The following PPARGC1A variants were observed in gnomAD, a reference collection of about 807,000 sequenced individuals.
PPARGC1A encodes peroxisome proliferator-activated receptor gamma coactivator 1-alpha.
Under a neutral mutation model 88.7 loss-of-function variants are expected in PPARGC1A, and 25 were observed. That is an observed-to-expected ratio of 0.28 (90% CI 0.21 to 0.39). PPARGC1A has a LOEUF of 0.39. Among genes scored for constraint, PPARGC1A ranks in the 10% least tolerant of loss-of-function variants. The pLI, the probability that PPARGC1A is intolerant of heterozygous loss-of-function variation, is 1.00. For synonymous variants in PPARGC1A, 363 were observed against 355.6 expected (o/e 1.02, Z -0.24); for missense variants, 880 against 968.7 (o/e 0.91, Z 1.22).
At chr4:24,345,651 A>T in the PPARGC1A span, among the ~76,000 whole-genome samples, 1 of 152,136 alleles carries the variant, frequency 6.6e-6, no homozygotes, top group Non-Finnish European at 1.5e-5. Flanking sequence ...ACTTTGCTGA[A>T]TTCTTTTATT....
chr4:24,041,473 A>G, the PPARGC1A span, among the ~76,000 whole-genome samples: 1 of 149,262 alleles, frequency 6.7e-6, no homozygotes, highest in Non-Finnish European at 1.5e-5. Flanking sequence ...GGGAGTCATC[A>G]CCTGCTGATT....
At chr4:23,834,028 G>A (rs902190806) in intron 2 of PPARGC1A, among the ~76,000 whole-genome samples, 12 of 152,158 alleles carry the variant, frequency 7.9e-5, no homozygotes, top group African/African-American at 2.4e-4. Flanking sequence ...GGCTGGGCAC[G>A]GTGGTTCACG....
At chr4:24,155,681 C>CA in the PPARGC1A span, among the ~76,000 whole-genome samples, 280 of 151,648 alleles carry the variant, frequency 1.8e-3, 3 homozygotes, top group African/African-American at 6.6e-3. Flanking sequence ...TAGCTGCAAA[C>CA]AAAAAACACA....
At chr4:23,943,220 T>A in the PPARGC1A span, among the ~76,000 whole-genome samples, 1 of 152,172 alleles carries the variant, frequency 6.6e-6, no homozygotes, top group African/African-American at 2.4e-5. Flanking sequence ...GTTCTTCTTT[T>A]AAGGGTATGC....
chr4:23,813,530 G>T (rs60338786), intron 8 of PPARGC1A, among the ~76,000 whole-genome samples, 160 bp downstream of exon 8: 1 of 152,222 alleles, frequency 6.6e-6, no homozygotes, highest in East Asian at 1.9e-4. Flanking sequence ...CATGGAGAGA[G>T]ATGTGAGTGT....
At chr4:23,803,224 T>C (rs991026923) in intron 10 of PPARGC1A, among the ~76,000 whole-genome samples, 2 of 152,104 alleles carry the variant, frequency 1.3e-5, no homozygotes, top group Non-Finnish European at 2.9e-5. Context: ...AAAAAAAATG[T>C]AAGATAAGGT....
chr4:23,981,440 A>G, the PPARGC1A span, among the ~76,000 whole-genome samples: 1 of 152,282 alleles, frequency 6.6e-6, no homozygotes, highest in South Asian at 2.1e-4. Flanking sequence ...TACAATTGCC[A>G]TAGAGATCCT....
At chr4:24,062,539 A>C in the PPARGC1A span, among the ~76,000 whole-genome samples, 1 of 152,146 alleles carries the variant, frequency 6.6e-6, no homozygotes, top group Admixed American at 6.5e-5. Flanking sequence ...CAATTCCATA[A>C]TTATTCATTT....
At chr4:24,423,869 T>G in the PPARGC1A span, among the ~76,000 whole-genome samples, 1 of 152,194 alleles carries the variant, frequency 6.6e-6, no homozygotes, top group Non-Finnish European at 1.5e-5. Context: ...GGATGGACTG[T>G]GACCTTGGCT....
chr4:23,883,357 A>G (rs1383819396), intron 2 of PPARGC1A: 2 of 152,236 alleles, frequency 1.3e-5, no homozygotes, highest in Non-Finnish European at 2.9e-5. Context: ...CTCCGTGCCA[A>G]CCAACACTGA....
chr4:23,802,213 A>C lies in PPARGC1A; in HGVS notation c.2141+11T>G, dbSNP rs1391102456. Reference sequence around the variant, plus strand: ...AGCTTCTAAACAAGAAATAATCTTGAAGATTCTCACCCATCATCCCGCAGA... The same window carrying C: ...AGCTTCTAAACAAGAAATAATCTTGCAGATTCTCACCCATCATCCCGCAGA... On this transcript the variant is annotated intron_variant, in intron 11 of 12. Coordinates refer to ENST00000264867, the MANE Select transcript of PPARGC1A (RefSeq NM_013261.5). The C allele has an allele frequency of 6.2e-7, 1 of 1,613,992 alleles. No individual in the cohort carries two copies. Among genetic ancestry groups the C allele is most frequent in the South Asian group, 1.1e-5 (1 of 91,052 alleles).
chr4:23,876,665 C>T (rs1424907498), intron 2 of PPARGC1A, among the ~76,000 whole-genome samples: 17 of 152,056 alleles, frequency 1.1e-4, no homozygotes, highest in Admixed American at 8.5e-4. Flanking sequence ...CTTGAACTGA[C>T]GGTTTCTGAG....
chr4:24,375,999 G>A, the PPARGC1A span, among the ~76,000 whole-genome samples: 1 of 145,414 alleles, frequency 6.9e-6, no homozygotes, highest in South Asian at 2.3e-4. Context: ...TGCGTGGATT[G>A]TGCAAGATGG....
At chr4:23,918,208 A>C in the PPARGC1A span, among the ~76,000 whole-genome samples, 1 of 150,582 alleles carries the variant, frequency 6.6e-6, no homozygotes, top group Non-Finnish European at 1.5e-5. Flanking sequence ...CAACAAAAAT[A>C]ATTTAAATTC....
the PPARGC1A span, among the ~76,000 whole-genome samples, chr4:23,942,594 A>G: frequency 6.6e-6 from 1 of 152,198 alleles, no homozygotes; most frequent in Non-Finnish European, 1.5e-5. Flanking sequence ...TGTGTTCACC[A>G]TATCCCATTA....
chr4:24,188,860 A>G, the PPARGC1A span, among the ~76,000 whole-genome samples: 3 of 152,262 alleles, frequency 2.0e-5, no homozygotes, highest in East Asian at 3.9e-4. Flanking sequence ...TCATGTCAGC[A>G]TTATTCACAA....
chr4:24,086,152 T>C, the PPARGC1A span, among the ~76,000 whole-genome samples: 2 of 152,186 alleles, frequency 1.3e-5, no homozygotes. Flanking sequence ...CTATTCTCCA[T>C]GATTTGGTTA....
rs80215516 is a variant in PPARGC1A at position 23,836,333 on chromosome 4, C to A, written c.235-4582G>T. Among the ~76,000 whole-genome samples the A allele has an allele frequency of 9.2e-3, 1,404 of 152,234 alleles. 12 individuals are homozygous for A. The highest frequency in any genetic ancestry group is 0.032 in the South Asian group (155 of 4,820). On this transcript the variant is annotated intron_variant, in intron 2 of 12. Coordinates refer to ENST00000264867, the MANE Select transcript of PPARGC1A (RefSeq NM_013261.5). ...TCTGTGGCTATCAAACAGCATTTCCCATGGTGGGTGTCAACCTTGGGTTCT... is the reference window on the plus strand; with the variant it reads ...TCTGTGGCTATCAAACAGCATTTCCAATGGTGGGTGTCAACCTTGGGTTCT...
chr4:24,109,494 T>C, the PPARGC1A span, among the ~76,000 whole-genome samples: 1 of 152,222 alleles, frequency 6.6e-6, no homozygotes, highest in African/African-American at 2.4e-5. Flanking sequence ...AGGCACTGGA[T>C]AAATATTTGT....
Sources: allele counts gnomAD v4.1 joint callset (sites outside exome capture counted in the v4.1 genomes callset), GRCh38; gene constraint gnomAD v4.1.1; transcripts MANE v1.5; gene names NCBI Gene and HGNC (gene_info 2026-07-23, HGNC 2026-07-21).